Variants in EHD1 observed in about 807,000 individuals in gnomAD.
EHD1 encodes the protein EH domain-containing protein 1.
Under a neutral mutation model 39.0 loss-of-function variants are expected in EHD1, and 19 were observed. The observed-to-expected ratio is 0.49, with a 90% confidence interval of 0.34 to 0.72. EHD1 has a LOEUF of 0.72. EHD1 is among the 30% of genes least tolerant of loss of function. EHD1 has a pLI of 0.01. For synonymous variants in EHD1, 323 were observed against 331.2 expected, an observed-to-expected ratio of 0.98 and a Z score of 0.27; for missense variants, 542 against 751.5, an observed-to-expected ratio of 0.72 and a Z score of 3.26.
Position 64,868,998 on chromosome 11 carries a change from G to A in EHD1, c.502+5423C>T, listed in dbSNP as rs1362755382. 1.3e-5 allele frequency among the ~76,000 whole-genome samples: 2 copies of A among 152,230 alleles called. No homozygotes were observed. Among genetic ancestry groups the A allele is most frequent in the Non-Finnish European group, 2.9e-5 (2 of 68,044 alleles). On this transcript the variant is annotated intron_variant, in intron 2 of 4. Coordinates refer to ENST00000320631, the MANE Select transcript of EHD1 (RefSeq NM_006795.4). This position sits in a 1 kb window ranked among gnomAD's most constrained non-coding sequence, Gnocchi z 4.2. ...CAGCTTGGAGGGCCGCGGGAGGATGGAGTGAGCCTGGCACACTGCGAGCAG... is the reference window on the plus strand; with the variant it reads ...CAGCTTGGAGGGCCGCGGGAGGATGAAGTGAGCCTGGCACACTGCGAGCAG...
chr11:64,874,621 C>G (rs966237615), intron 1 of EHD1, 103 bp from the exon 2 acceptor site: 6 of 932,072 alleles, frequency 6.4e-6, no homozygotes, highest in Non-Finnish European at 7.6e-6. Context: ...TCTCTGGCTT[C>G]CTCTCCAGCA....
At position 64,852,961 on chromosome 11, in the gene EHD1, T is replaced by TG. The variant is rs1429363785; in HGVS notation, c.*1371dup. The TG allele has an allele frequency of 6.6e-6, 1 of 152,292 alleles. No homozygotes were observed. Among genetic ancestry groups the TG allele is most frequent in the Non-Finnish European group, 1.5e-5 (1 of 68,086 alleles). 9.4% of individuals were successfully genotyped at this position (152,292 alleles called of 1,614,324 possible). ...CTGAGACCCCCGCGGGAAAGCCTGG[T>TG]GGGAAGCCCAGCTGTGTGGTACCTG... is the stretch of plus-strand genomic sequence containing the variant. On this transcript the variant is annotated 3_prime_UTR_variant, in exon 5 of 5. Coordinates refer to ENST00000320631, the MANE Select transcript of EHD1 (RefSeq NM_006795.4).
At chr11:64,874,594 T>G in intron 1 of EHD1, 76 bp from the exon 2 acceptor site, 7 of 1,186,246 alleles carry the variant, frequency 5.9e-6, no homozygotes, top group Non-Finnish European at 8.0e-6. Flanking sequence ...AAGGGCTCTC[T>G]GTACTCCTTC....
chr11:64,860,388 G>A (rs1219275139), intron 2 of EHD1, 52 bp from the exon 3 acceptor site: 5 of 1,561,192 alleles, frequency 3.2e-6, no homozygotes, highest in Non-Finnish European at 2.6e-6. Context: ...CTGCTGCTCT[G>A]ATGGCTCTCA....
At chr11:64,866,040 A>C (rs1415757067) in intron 2 of EHD1, among the ~76,000 whole-genome samples, 1 of 152,240 alleles carries the variant, frequency 6.6e-6, no homozygotes, top group Non-Finnish European at 1.5e-5. Context: ...TCATTCTGCC[A>C]TAAGGACACA....
intron 1 of EHD1, 44 bp from the exon 2 acceptor site, chr11:64,874,562 C>T: frequency 6.7e-7 from 1 of 1,494,498 alleles, no homozygotes; most frequent in Non-Finnish European, 9.0e-7. Context: ...AAGACACAGT[C>T]ATCACTGCTC....
At position 64,854,035 on chromosome 11, in the gene EHD1, G is replaced by A. The variant is rs1333477202; in HGVS notation, c.*298C>T. 8.1e-6 allele frequency: 4 copies of A among 492,838 alleles called. No homozygotes were observed. The highest frequency in any genetic ancestry group is 3.3e-5 in the Admixed American group (1 of 29,872). 30.5% of individuals were successfully genotyped at this position (492,838 alleles called of 1,614,324 possible). ...AGCTCCAGCCACAGCAAAGGCCGGG[G>A]GGCAGAGGCCGTGCACACAGGGCTG... On this transcript the variant is annotated 3_prime_UTR_variant, in exon 5 of 5. Transcript: ENST00000320631.
intron 2 of EHD1, 83 bp downstream of exon 2, chr11:64,874,338 C>A: frequency 2.0e-6 from 2 of 1,009,722 alleles, no homozygotes; most frequent in Non-Finnish European, 2.9e-6. Flanking sequence ...ATCTCAAGGG[C>A]AGCATCTGAA....
chr11:64,862,939 G>A (rs1054113628), intron 2 of EHD1, among the ~76,000 whole-genome samples: 5 of 152,192 alleles, frequency 3.3e-5, no homozygotes, highest in African/African-American at 1.2e-4. Context: ...TGTCCCTCCC[G>A]GTCTAGGAAG....
At chr11:64,874,277 C>A (rs1341243340) in intron 2 of EHD1, 144 bp downstream of exon 2, 5 of 726,348 alleles carry the variant, frequency 6.9e-6, no homozygotes, top group Non-Finnish European at 1.0e-5. Context: ...GCACTCCAGC[C>A]TGGGTGACAG....
At chr11:64,862,946 G>A (rs892784875) in intron 2 of EHD1, among the ~76,000 whole-genome samples, 3 of 152,210 alleles carry the variant, frequency 2.0e-5, no homozygotes, top group African/African-American at 7.2e-5. Context: ...CCCGGTCTAG[G>A]AAGAGTAAGG....
upstream of EHD1, chr11:64,879,022 C>T (rs762506752): frequency 1.0e-6 from 1 of 996,418 alleles, no homozygotes; most frequent in South Asian, 4.4e-5. Context: ...ACGCGCCGCG[C>T]CCGCCGTTCG....
intron 2 of EHD1, among the ~76,000 whole-genome samples, chr11:64,863,063 C>T (rs1347093529): frequency 6.6e-6 from 1 of 152,222 alleles, no homozygotes; most frequent in East Asian, 1.9e-4. Flanking sequence ...CAAGCCTCCA[C>T]GTCCCTGGCT....
At chr11:64,862,610 C>T (rs996398034) in intron 2 of EHD1, among the ~76,000 whole-genome samples, 3 of 152,198 alleles carry the variant, frequency 2.0e-5, no homozygotes, top group East Asian at 1.9e-4. Context: ...TCTGTAACAG[C>T]GGTTTTGAAT....
rs1173216633 is a variant in EHD1, at chr11:64,868,013, A to G, written c.502+6408T>C. ...GGTCTGCCTTCCTGAGAACAGCTGG[A>G]CCATGTTTCCCGCCAGCACAGAAGG... On this transcript the variant is annotated intron_variant, in intron 2 of 4. Transcript: ENST00000320631. The surrounding 1 kb of genome is among the most constrained non-coding windows in gnomAD (Gnocchi z 4.2). 6.6e-6 allele frequency among the ~76,000 whole-genome samples: 1 copy of G among 152,186 alleles called. No individual in the cohort carries two copies. The highest frequency in any genetic ancestry group is 2.1e-4 in the South Asian group (1 of 4,828).
At chr11:64,878,776 C>A, upstream of EHD1, 10 of 1,254,362 alleles carry the variant, frequency 8.0e-6, no homozygotes, top group Non-Finnish European at 1.0e-5. Context: ...CCTACCCCGC[C>A]CCCATTGGCT....
intron 2 of EHD1, among the ~76,000 whole-genome samples, chr11:64,873,972 C>A (rs1272768684): frequency 2.0e-5 from 3 of 151,186 alleles, no homozygotes; most frequent in Non-Finnish European, 4.4e-5. Context: ...CCACCGTGCC[C>A]GGCCACATTT....
chr11:64,862,084 T>G (rs1355749559), intron 2 of EHD1, among the ~76,000 whole-genome samples: 1 of 152,110 alleles, frequency 6.6e-6, no homozygotes, highest in African/African-American at 2.4e-5. Context: ...AATTTTTAAA[T>G]TTTTATTTTG....
At chr11:64,866,568 A>G (rs1260909667) in intron 2 of EHD1, among the ~76,000 whole-genome samples, 1 of 152,066 alleles carries the variant, frequency 6.6e-6, no homozygotes, top group Non-Finnish European at 1.5e-5. Context: ...ATTCCCAGCT[A>G]CTTGGGACAC....
Sources: gnomAD v4.1 joint callset for allele counts (sites outside exome capture counted in the v4.1 genomes callset) on GRCh38, gnomAD v4.1.1 for gene constraint, Gnocchi (gnomAD v3.1) non-coding constraint, MANE v1.5 for transcripts, NCBI Gene and HGNC (gene_info 2026-07-23, HGNC 2026-07-21) for gene names.